The following TRPM7 variants were observed in gnomAD, a reference collection of about 807,000 sequenced individuals.
TRPM7 encodes transient receptor potential cation channel subfamily M member 7.
A neutral mutation model predicts 229.7 loss-of-function variants in TRPM7; 134 were observed. That is an observed-to-expected ratio of 0.58 (90% CI 0.51 to 0.67). TRPM7 has a LOEUF of 0.67. TRPM7 is among the 30% of genes least tolerant of loss of function. The pLI is 0.00. For missense variants in TRPM7, 1,901 were observed against 2,210.0 expected (o/e 0.86, Z 2.80); for synonymous variants, 699 against 715.2 (o/e 0.98, Z 0.36).
chr15:50,664,553 T>C (rs750122640), intron 1 of TRPM7, among the ~76,000 whole-genome samples: 1 of 152,142 alleles, frequency 6.6e-6, no homozygotes, highest in Non-Finnish European at 1.5e-5. Context: ...ATCTTAAATA[T>C]GATTAACCAA....
intron 3 of TRPM7, among the ~76,000 whole-genome samples, chr15:50,651,559 G>A (rs1375367890): frequency 5.3e-5 from 8 of 151,944 alleles, no homozygotes; most frequent in Admixed American, 3.9e-4. Context: ...CACTTTGGGA[G>A]GCCGAGGCAG....
chr15:50,615,121 C>T (rs927298242), intron 13 of TRPM7, among the ~76,000 whole-genome samples: 1 of 141,164 alleles, frequency 7.1e-6, no homozygotes, highest in African/African-American at 2.7e-5. Flanking sequence ...CGAGATAGTG[C>T]CACCGCATTC....
At chr15:50,605,479 C>T (rs1227102311) in intron 20 of TRPM7, among the ~76,000 whole-genome samples, 1 of 152,180 alleles carries the variant, frequency 6.6e-6, no homozygotes, top group Non-Finnish European at 1.5e-5. Context: ...CTGGTAGTAG[C>T]TGCCAAACCT....
At chr15:50,613,943 A>C in intron 14 of TRPM7, 102 bp from the exon 15 acceptor site, 1 of 1,414,284 alleles carries the variant, frequency 7.1e-7, no homozygotes, top group Non-Finnish European at 9.6e-7. Context: ...GTTTGTGTAC[A>C]CACACAAAAT....
At chr15:50,663,070 T>G (rs773293887) in intron 1 of TRPM7, 24 bp from the exon 2 acceptor site, 5 of 1,573,912 alleles carry the variant, frequency 3.2e-6, no homozygotes, top group Non-Finnish European at 4.4e-6. Flanking sequence ...TTTTAAAGAA[T>G]TGTTTATAAG....
At chr15:50,672,315 C>G (rs2062007687) in intron 1 of TRPM7, among the ~76,000 whole-genome samples, 2 of 151,962 alleles carry the variant, frequency 1.3e-5, no homozygotes, top group African/African-American at 4.8e-5. Context: ...CTTGGCCTCC[C>G]AAAGTGCTAG....
chr15:50,563,814 G>A (rs2053438974), intron 38 of TRPM7, among the ~76,000 whole-genome samples: 1 of 151,968 alleles, frequency 6.6e-6, no homozygotes, highest in Non-Finnish European at 1.5e-5. Flanking sequence ...ATTTTTTTAA[G>A]CTCATCAGCT....
intron 19 of TRPM7, among the ~76,000 whole-genome samples, chr15:50,608,576 G>A (rs1029258576): frequency 1.3e-5 from 2 of 152,190 alleles, no homozygotes; most frequent in Non-Finnish European, 2.9e-5. Context: ...ACAGAATTTG[G>A]AGATTAGATC....
At position 50,611,260 on chromosome 15, in the gene TRPM7, C is replaced by T; in HGVS notation, c.2113G>A (p.Ala705Thr). ...AGTTCATAAGTGAGCAATTTCATAG[C>T]CATGGTTTCATCTTGTCTGAAGGAC... ...EQSFRQDETM[A>T]MKLLTYELKN... Residue 705 changes from alanine to threonine, a missense_variant, in exon 17 of 39, where the codon GCT (alanine) becomes ACT (threonine). Ala to Thr is a moderately conservative substitution (Grantham distance 58). Transcript: ENST00000646667. The T allele has an allele frequency of 6.2e-7, 1 of 1,613,906 alleles. No individual in the cohort carries two copies. The highest frequency in any genetic ancestry group is 8.5e-7 in the Non-Finnish European group (1 of 1,179,922).
chr15:50,657,674 A>G, intron 3 of TRPM7, 107 bp downstream of exon 3: 1 of 1,006,456 alleles, frequency 9.9e-7, no homozygotes, highest in Non-Finnish European at 1.5e-6. Flanking sequence ...TACCCATCAA[A>G]TATAATAGCA....
chr15:50,620,421 C>G (rs2060360007), intron 12 of TRPM7, among the ~76,000 whole-genome samples: 1 of 151,922 alleles, frequency 6.6e-6, no homozygotes, highest in Non-Finnish European at 1.5e-5. Context: ...ATTGGACATC[C>G]CTGATTTAAC....
chr15:50,561,849 G>A (rs754649514), intron 38 of TRPM7, 41 bp from the exon 39 acceptor site: 9 of 1,454,248 alleles, frequency 6.2e-6, no homozygotes, highest in Non-Finnish European at 1.8e-6. Context: ...AAAAAAGAAA[G>A]AGAAAAGAAA....
At chr15:50,600,955 T>G (rs1407715410) in intron 21 of TRPM7, among the ~76,000 whole-genome samples, 1 of 152,182 alleles carries the variant, frequency 6.6e-6, no homozygotes, top group Non-Finnish European at 1.5e-5. Flanking sequence ...ATTTGCAAAA[T>G]GGACAAATAA....
chr15:50,633,230 T>A (rs1367233173), intron 8 of TRPM7, among the ~76,000 whole-genome samples: 2 of 152,214 alleles, frequency 1.3e-5, no homozygotes, highest in African/African-American at 4.8e-5. Context: ...TCAAAAAGTA[T>A]GTGTGTGGCA....
In TRPM7 at chr15:50,560,231, TACTC is replaced by T. The variant is rs1200026919; in HGVS notation, c.*1443_*1446del. 6.6e-6 allele frequency: 1 copy of T among 152,482 alleles called. No homozygotes were observed. Among genetic ancestry groups the T allele is most frequent in the Non-Finnish European group, 1.5e-5 (1 of 68,012 alleles). The allele number at this position is 152,482 out of a possible 1,614,324, so 9.4% of individuals were successfully genotyped here. ...CAAATGGTTCATTTAAAAAAACTGA[TACTC>T]AAATTGACACCCTGAAAATGTCAGA... On this transcript the variant is annotated 3_prime_UTR_variant, in exon 39 of 39. Coordinates refer to ENST00000646667, the MANE Select transcript of TRPM7 (RefSeq NM_017672.6).
intron 12 of TRPM7, among the ~76,000 whole-genome samples, chr15:50,620,310 A>T (rs1300334861): frequency 2.1e-5 from 3 of 146,128 alleles, no homozygotes; most frequent in Non-Finnish European, 4.5e-5. Flanking sequence ...ATTTTTTTCA[A>T]TTTTTTTTTT....
In TRPM7 at chr15:50,560,461, T is replaced by C. The variant is rs1459057506; in HGVS notation, c.*1217A>G. 1 of 152,354 alleles carries C rather than the reference T, an allele frequency of 6.6e-6. No individual in the cohort carries two copies. Among genetic ancestry groups the C allele is most frequent in the African/African-American group, 2.4e-5 (1 of 41,354 alleles). The allele number at this position is 152,354 out of a possible 1,614,324, so 9.4% of individuals were successfully genotyped here. A position where few individuals can be genotyped will look rare whatever the true frequency, so the allele number is the denominator to read the frequency against. The stretch of plus-strand genomic sequence containing the variant: ...CCTTGTCTGTATCTATGAGATACAC[T>C]ACTAAATACAAATAAGCTTTATACT... On this transcript the variant is annotated 3_prime_UTR_variant, in exon 39 of 39. Transcript: ENST00000646667.
At chr15:50,627,327 T>C (rs2060591420) in intron 11 of TRPM7, among the ~76,000 whole-genome samples, 1 of 151,912 alleles carries the variant, frequency 6.6e-6, no homozygotes, top group Non-Finnish European at 1.5e-5. Context: ...GCTATTAAAA[T>C]AGGGTAGACA....
At chr15:50,583,306 G>A (rs910400674) in intron 28 of TRPM7, 147 bp from the exon 29 acceptor site, 1 of 477,242 alleles carries the variant, frequency 2.1e-6, no homozygotes, top group Admixed American at 4.0e-5. Context: ...AGAGTTACAT[G>A]AGGCCCATAA....
Sources: allele counts gnomAD v4.1 joint callset (sites outside exome capture counted in the v4.1 genomes callset), GRCh38; gene constraint gnomAD v4.1.1; transcripts MANE v1.5; gene names NCBI Gene and HGNC (gene_info 2026-07-23, HGNC 2026-07-21).